TEAD1: variants seen among roughly 807,000 people sequenced by gnomAD.
TEAD1 encodes TEA domain transcription factor 1.
In TEAD1, 9 loss-of-function variants were observed where a neutral mutation model predicts 54.9. The observed-to-expected ratio is 0.16, with a 90% CI of 0.10 to 0.29. The LOEUF (loss-of-function observed/expected upper bound fraction) is 0.29. Ranked by LOEUF, TEAD1 falls within the 10% of genes least tolerant of loss-of-function variation. TEAD1 has a pLI of 1.00. For synonymous variants in TEAD1, 200 were observed against 187.8 expected (o/e 1.07, Z -0.53); for missense variants, 387 against 535.9 (o/e 0.72, Z 2.74).
chr11:12,786,174 A>G (rs1945673306), intron 3 of TEAD1, among the ~76,000 whole-genome samples: 1 of 152,192 alleles, frequency 6.6e-6, no homozygotes, highest in Non-Finnish European at 1.5e-5. Context: ...GCTGAGACCA[A>G]GCCAAATGGG....
chr11:12,775,969 C>T (rs369764655), intron 3 of TEAD1, among the ~76,000 whole-genome samples: 4 of 142,966 alleles, frequency 2.8e-5, no homozygotes, highest in African/African-American at 6.1e-5. Context: ...TGTTTACTGG[C>T]GGCGGGGGGT....
chr11:12,760,665 A>G (rs757904695), intron 2 of TEAD1, among the ~76,000 whole-genome samples: 11 of 152,292 alleles, frequency 7.2e-5, no homozygotes, highest in South Asian at 6.2e-4. Context: ...GTTGCTATAG[A>G]TTCAGAATCG....
In TEAD1 at chr11:12,864,893, A is replaced by G. The variant is rs1947584247; in HGVS notation, c.323A>G (p.Lys108Arg). The stretch of plus-strand genomic sequence containing the variant: ...AGGAAATCTCGTGATTTTCATTCCA[A>G]GCTAAAGGTATGCGCTTTTCTGCTT... Residue 108 changes from lysine (K) to arginine (R), a missense_variant, in exon 5 of 13, where the codon AAG (lysine) becomes AGG (arginine). By Grantham distance (26) the Lys-to-Arg change is conservative. Coordinates refer to ENST00000527636, the MANE Select transcript of TEAD1 (RefSeq NM_021961.6). 1.9e-6 allele frequency: 3 copies of G among 1,614,146 alleles called. No individual in the cohort carries two copies. The highest frequency in any genetic ancestry group is 1.1e-5 in the South Asian group (1 of 91,078).
Position 12,881,888 on chromosome 11 carries a change from G to A in TEAD1, c.513-8G>A. On this transcript the variant is annotated splice_region_variant and splice_polypyrimidine_tract_variant and intron_variant, in intron 7 of 12. Transcript: ENST00000527636. ...TCTTAACTCTGTCTGCCATCTCTCT[G>A]TTCCCAGCGTCAAGCCTTTTGTGCA... is the stretch of plus-strand genomic sequence containing the variant. 1.9e-6 allele frequency: 3 copies of A among 1,614,112 alleles called. No homozygotes were observed. Among genetic ancestry groups the A allele is most frequent in the Non-Finnish European group, 2.5e-6 (3 of 1,179,974 alleles).
Position 12,702,705 on chromosome 11 carries a change from A to G in TEAD1, c.-55+27144A>G, listed in dbSNP as rs193169324. 2.2e-3 allele frequency among the ~76,000 whole-genome samples: 333 copies of G among 151,936 alleles called. 1 individual carries two copies. Among genetic ancestry groups the G allele is most frequent in the African/African-American group, 7.5e-3 (310 of 41,348 alleles). ...ACTTCCTTCCCATTCCCTGGAAGCT[A>G]CTTCCGTCCTTCTCTCGCCCGGATT... On this transcript the variant is annotated intron_variant, in intron 2 of 12. Coordinates refer to ENST00000527636, the MANE Select transcript of TEAD1 (RefSeq NM_021961.6).
At chr11:12,792,826 CA>C (rs1231176974) in intron 3 of TEAD1, among the ~76,000 whole-genome samples, 1 of 152,146 alleles carries the variant, frequency 6.6e-6, no homozygotes, top group African/African-American at 2.4e-5. Context: ...GCAGCTGAGA[CA>C]AGAGGATTGT....
chr11:12,815,169 G>T (rs887690076), intron 3 of TEAD1, among the ~76,000 whole-genome samples: 7 of 152,118 alleles, frequency 4.6e-5, no homozygotes, highest in African/African-American at 1.7e-4. Flanking sequence ...CAGAGGGGGT[G>T]AGTTTTAAAC....
At chr11:12,842,905 G>A (rs1268429871) in intron 3 of TEAD1, among the ~76,000 whole-genome samples, 1 of 152,098 alleles carries the variant, frequency 6.6e-6, no homozygotes, top group African/African-American at 2.4e-5. Flanking sequence ...AAAATGAATG[G>A]TTTATTTCTT....
intron 3 of TEAD1, among the ~76,000 whole-genome samples, chr11:12,779,223 G>A (rs774680733): frequency 1.3e-5 from 2 of 152,180 alleles, no homozygotes. Context: ...GATCTTGAAT[G>A]ATACAGTTAC....
chr11:12,695,683 G>C (rs1373544668), intron 2 of TEAD1, among the ~76,000 whole-genome samples: 2 of 152,220 alleles, frequency 1.3e-5, no homozygotes, highest in African/African-American at 4.8e-5. Context: ...CAGACTGATG[G>C]ACTCTTTGGG....
intron 2 of TEAD1, among the ~76,000 whole-genome samples, chr11:12,750,672 C>T (rs1944852670): frequency 6.6e-6 from 1 of 152,050 alleles, no homozygotes; most frequent in African/African-American, 2.4e-5. Context: ...GCCTATGAGG[C>T]CCCCTGTGAT....
chr11:12,769,071 T>A (rs1945264527), intron 3 of TEAD1, among the ~76,000 whole-genome samples: 2 of 152,098 alleles, frequency 1.3e-5, no homozygotes, highest in African/African-American at 2.4e-5. Flanking sequence ...GAGCTGTTGC[T>A]TCCAGACATC....
intron 5 of TEAD1, chr11:12,878,789 G>A (rs1947907782): frequency 1.5e-5 from 10 of 661,376 alleles, no homozygotes; most frequent in Non-Finnish European, 2.2e-5. Context: ...ATATACATAT[G>A]TATATATACA....
At chr11:12,799,451 TA>T (rs1946004818) in intron 3 of TEAD1, among the ~76,000 whole-genome samples, 1 of 152,244 alleles carries the variant, frequency 6.6e-6, no homozygotes, top group Admixed American at 6.5e-5. Context: ...GGTTTCTTTT[TA>T]TGGTCATGGC....
At position 12,939,044 on chromosome 11, in the gene TEAD1, G is replaced by A. The variant is rs1949136063; in HGVS notation, c.*1822G>A. The A allele has an allele frequency of 6.6e-6, 1 of 152,194 alleles. No individual in the cohort carries two copies. Among genetic ancestry groups the A allele is most frequent in the East Asian group, 1.9e-4 (1 of 5,182 alleles). 9.4% of individuals were successfully genotyped at this position (152,194 alleles called of 1,614,324 possible). A position where few individuals can be genotyped will look rare whatever the true frequency, so the allele number is the denominator to read the frequency against. The stretch of plus-strand genomic sequence containing the variant: ...GTCAGCATCTTGTGGTCCCTAACAT[G>A]AGGATGTGGCTGGCTCGTGGGAAAC... On this transcript the variant is annotated 3_prime_UTR_variant, in exon 13 of 13. Coordinates refer to ENST00000527636, the MANE Select transcript of TEAD1 (RefSeq NM_021961.6).
intron 9 of TEAD1, 145 bp downstream of exon 9, chr11:12,883,270 C>G (rs1948006951): frequency 1.5e-6 from 2 of 1,329,274 alleles, no homozygotes; most frequent in Admixed American, 3.5e-5. Context: ...AAAGAATAGC[C>G]TTTTGATTAA....
At chr11:12,903,812 A>C (rs1009943061) in intron 10 of TEAD1, among the ~76,000 whole-genome samples, 3 of 151,500 alleles carry the variant, frequency 2.0e-5, no homozygotes, top group African/African-American at 7.3e-5. Flanking sequence ...ACCCTGTTCC[A>C]AAAAAAAAGA....
intron 2 of TEAD1, among the ~76,000 whole-genome samples, chr11:12,721,811 ACTC>A (rs1944206281): frequency 1.3e-5 from 2 of 151,648 alleles, no homozygotes. Flanking sequence ...AAATATACCC[ACTC>A]CTCAAGCCCC....
At chr11:12,735,202 T>G (rs899337558) in intron 2 of TEAD1, among the ~76,000 whole-genome samples, 6 of 152,104 alleles carry the variant, frequency 3.9e-5, no homozygotes. Flanking sequence ...TACTGAGGGT[T>G]TCCATTCTAA....
Sources: gnomAD v4.1 joint callset for allele counts (sites outside exome capture counted in the v4.1 genomes callset) on GRCh38, gnomAD v4.1.1 for gene constraint, MANE v1.5 for transcripts, NCBI Gene and HGNC (gene_info 2026-07-23, HGNC 2026-07-21) for gene names.